The following SLC22A24 variants were observed in gnomAD, a reference collection of about 807,000 sequenced individuals.
SLC22A24 encodes the protein steroid transmembrane transporter SLC22A24.
SLC22A24 carries 53 observed loss-of-function variants against 49.8 expected under a neutral mutation model. That is an observed-to-expected ratio of 1.06 (90% CI 0.85 to 1.34). The LOEUF is 1.34. Ranked by LOEUF, SLC22A24 falls within the 40% of genes most tolerant of loss-of-function variation. The pLI, the probability that SLC22A24 is intolerant of heterozygous loss-of-function variation, is 0.00. For missense variants in SLC22A24, 786 were observed against 675.9 expected (o/e 1.16, Z -1.81); for synonymous variants, 302 against 256.4 (o/e 1.18, Z -1.70).
chr11:63,129,777 TTGTC>T, intron 2 of SLC22A24, among the ~76,000 whole-genome samples: 1 of 142,328 alleles, frequency 7.0e-6, no homozygotes, highest in African/African-American at 3.1e-5. Context: ...GGCTCTCTGT[TTGTC>T]TGTTATTGGT....
chr11:63,098,437 G>T (rs187451289), intron 5 of SLC22A24, among the ~76,000 whole-genome samples: 1 of 152,178 alleles, frequency 6.6e-6, no homozygotes, highest in African/African-American at 2.4e-5. Context: ...GGAGGCCAAA[G>T]TGGGTGGCTC....
Position 63,110,140 on chromosome 11 carries a change from C to T in SLC22A24, c.831-5842G>A, listed in dbSNP as rs934467351. ...CATTGCTTGTTTTTGTCAGGTTTGT[C>T]AAAGATCAGATAGTTGTAGATATGC... On this transcript the variant is annotated intron_variant, in intron 4 of 9. Transcript: ENST00000612278. 5.3e-5 allele frequency among the ~76,000 whole-genome samples: 8 copies of T among 151,176 alleles called. 1 individual carries two copies. The South Asian group carries it at 6.4e-4, about 12-fold the overall frequency.
Position 63,084,244 on chromosome 11 carries a change from A to T in SLC22A24, c.1071-787T>A, listed in dbSNP as rs139700809. ...GTGGCCTGACATTTCTAAGCAGTCT[A>T]AGAGCTACAAGCAATGGGTTATTAA... On this transcript the variant is annotated intron_variant, in intron 6 of 9. Transcript: ENST00000612278. 2.6e-3 allele frequency among the ~76,000 whole-genome samples: 402 copies of T among 152,302 alleles called. 2 individuals carry two copies. Among genetic ancestry groups the T allele is most frequent in the African/African-American group, 9.3e-3 (386 of 41,570 alleles).
intron 4 of SLC22A24, among the ~76,000 whole-genome samples, chr11:63,105,173 G>A (rs1009906057): frequency 3.4e-4 from 52 of 152,232 alleles, no homozygotes; most frequent in Non-Finnish European, 5.9e-5. Context: ...TGCCACTGTG[G>A]CTTGGACAGG....
intron 4 of SLC22A24, among the ~76,000 whole-genome samples, chr11:63,113,069 C>CATATATATACATATATATATACATAT (rs2087181270): frequency 0.01 from 18 of 1,766 alleles, 9 homozygotes; most frequent in Non-Finnish European, 0.016. Context: ...TATATATATA[C>CATATATATACATATATATATACATAT]ATATATATAC....
chr11:63,121,344 C>T (rs991457456), intron 2 of SLC22A24, among the ~76,000 whole-genome samples: 1 of 151,848 alleles, frequency 6.6e-6, no homozygotes, highest in South Asian at 2.1e-4. Flanking sequence ...AAACACATAT[C>T]GAGATGTTAA....
At chr11:63,110,163 T>C (rs558946049) in intron 4 of SLC22A24, among the ~76,000 whole-genome samples, 2,776 of 150,884 alleles carry the variant, frequency 0.018, 93 homozygotes, top group African/African-American at 0.063. Flanking sequence ...GTTGTAGATA[T>C]GCGGCGTTAT....
chr11:63,143,472 C>A lies in SLC22A24; in HGVS notation c.308G>T (p.Gly103Val). 6.3e-7 allele frequency: 1 copy of A among 1,598,004 alleles called. No homozygotes were observed. The highest frequency in any genetic ancestry group is 8.5e-7 in the Non-Finnish European group (1 of 1,172,400). ...TGGCTCATTTGTGTTGGGGAAGGTC[C>A]CGTTCAGGTGAAGGAGCTGCCACTG... The part of the protein sequence containing the change: ...HPQWQLLHLN[G>V]TFPNTNEPDT... Residue 103 changes from glycine (G) to valine (V), a missense_variant, in exon 1 of 10, where the codon GGG becomes GTG. Transcript: ENST00000612278.
chr11:63,114,072 T>G (rs1333855590), intron 4 of SLC22A24, among the ~76,000 whole-genome samples: 2 of 152,168 alleles, frequency 1.3e-5, no homozygotes, highest in Admixed American at 1.3e-4. Flanking sequence ...AGTATCTTTG[T>G]CATGTTCTCT....
intron 4 of SLC22A24, among the ~76,000 whole-genome samples, chr11:63,105,260 G>A (rs977070606): frequency 1.3e-5 from 2 of 152,132 alleles, no homozygotes; most frequent in African/African-American, 4.8e-5. Flanking sequence ...GGTGCAAGCT[G>A]TTGGTGGATC....
intron 4 of SLC22A24, among the ~76,000 whole-genome samples, chr11:63,105,654 G>A (rs1308191193): frequency 6.6e-6 from 1 of 152,090 alleles, no homozygotes; most frequent in Non-Finnish European, 1.5e-5. Context: ...ACACAGCAGG[G>A]GTCCCTTGGT....
intron 2 of SLC22A24, among the ~76,000 whole-genome samples, chr11:63,122,128 A>G (rs1195882258): frequency 1.3e-5 from 2 of 152,102 alleles, no homozygotes; most frequent in African/African-American, 4.8e-5. Flanking sequence ...CTAGATATTT[A>G]CCATCATTTT....
At chr11:63,103,296 C>T (rs1307288510) in intron 5 of SLC22A24, among the ~76,000 whole-genome samples, 2 of 152,120 alleles carry the variant, frequency 1.3e-5, no homozygotes, top group Non-Finnish European at 2.9e-5. Flanking sequence ...TTTTTACCAG[C>T]TAACTCCTAA....
Position 63,081,074 on chromosome 11 carries a change from G to T in SLC22A24, c.1444C>A (p.Leu482Met). The T allele has an allele frequency of 1.3e-6, 2 of 1,551,700 alleles. No homozygotes were observed. Among genetic ancestry groups the T allele is most frequent in the Non-Finnish European group, 1.7e-6 (2 of 1,146,942 alleles). Residue 482 changes from leucine (L) to methionine (M), a missense_variant, in exon 9 of 10, where the codon CTG (leucine) becomes ATG (methionine). Leu to Met is a conservative substitution (Grantham distance 15). Transcript: ENST00000612278. ...ATTAAGGTCATCAACAGAGGAGCCA[G>T]TGCTGCCCCAGTCCTACCGGACACT... is the stretch of plus-strand genomic sequence containing the variant. Reference protein sequence around the residue: ...NAVSGRTGAALAPLLMTLMAY... With the variant: ...NAVSGRTGAAMAPLLMTLMAY...
intron 4 of SLC22A24, among the ~76,000 whole-genome samples, chr11:63,113,595 C>T (rs1290343366): frequency 6.6e-6 from 1 of 151,888 alleles, no homozygotes; most frequent in Non-Finnish European, 1.5e-5. Flanking sequence ...GTGGCTCACA[C>T]CTGTAATCCC....
chr11:63,143,681 A>G lies in SLC22A24; in HGVS notation c.99T>C (p.Pro33=). The change falls in exon 1 of 10, where the codon CCT becomes CCC. Residue 33 remains proline (P), a synonymous_variant. Coordinates refer to ENST00000612278, the MANE Select transcript of SLC22A24 (RefSeq NM_001136506.2). Reference sequence around the variant, plus strand: ...CAGTGAAGTTCTCCAACACAATATTAGGGAACAGTAGGATGTTGGTGATGC... The same window carrying G: ...CAGTGAAGTTCTCCAACACAATATTGGGGAACAGTAGGATGTTGGTGATGC... ...FFCITNILLF[P]NIVLENFTAF... 1 of 1,588,572 alleles carries G rather than the reference A, an allele frequency of 6.3e-7. No homozygotes were observed. Among genetic ancestry groups the G allele is most frequent in the South Asian group, 1.2e-5 (1 of 86,370 alleles).
chr11:63,087,083 G>GAGAGAA (rs1225905250), intron 6 of SLC22A24, among the ~76,000 whole-genome samples: 1 of 149,544 alleles, frequency 6.7e-6, no homozygotes, highest in Non-Finnish European at 1.5e-5. Flanking sequence ...GAGAGAGAGA[G>GAGAGAA]AAACCCAAGT....
At chr11:63,088,874 A>G (rs1193812601) in intron 6 of SLC22A24, among the ~76,000 whole-genome samples, 1 of 152,126 alleles carries the variant, frequency 6.6e-6, no homozygotes, top group Admixed American at 6.5e-5. Context: ...AAAAGATTAG[A>G]GAAAAAAGAA....
intron 6 of SLC22A24, among the ~76,000 whole-genome samples, chr11:63,095,472 C>A (rs1356976849): frequency 6.6e-6 from 1 of 151,998 alleles, no homozygotes; most frequent in Non-Finnish European, 1.5e-5. Flanking sequence ...AGCATGATTC[C>A]ATTAATATTA....
Sources: allele counts gnomAD v4.1 joint callset (sites outside exome capture counted in the v4.1 genomes callset), GRCh38; gene constraint gnomAD v4.1.1; transcripts MANE v1.5; gene names NCBI Gene and HGNC (gene_info 2026-07-23, HGNC 2026-07-21).